The following PLCG1 variants were observed in gnomAD, a reference collection of about 807,000 sequenced individuals.
The protein encoded by PLCG1 is phospholipase C gamma 1.
PLCG1 carries 71 observed loss-of-function variants against 177.8 expected under a neutral mutation model. The observed-to-expected ratio is 0.40, with a 90% CI of 0.33 to 0.49. The LOEUF is 0.49. Among genes scored for constraint, PLCG1 ranks in the 20% least tolerant of loss-of-function variants. The pLI is 0.72. For synonymous variants in PLCG1, 658 were observed against 647.9 expected (o/e 1.02, Z -0.24); for missense variants, 1,281 against 1,709.0 (o/e 0.75, Z 4.42).
At chr20:41,140,212 G>A (rs35869212) in intron 1 of PLCG1, among the ~76,000 whole-genome samples, 3,492 of 152,286 alleles carry the variant, frequency 0.023, 65 homozygotes, top group Middle Eastern at 0.044. Context: ...CTGGCTTTTG[G>A]ATTTTGGGGG....
intron 21 of PLCG1, 44 bp downstream of exon 21, chr20:41,168,914 G>C (rs1428971330): frequency 6.6e-6 from 9 of 1,367,436 alleles, no homozygotes; most frequent in Admixed American, 3.4e-5. Flanking sequence ...GGGCCCCAGT[G>C]GAGCTGGGGC....
rs748259208 is a variant in PLCG1 at position 41,166,231 on chromosome 20, C to T, written c.1837C>T (p.Arg613Trp). Residue 613 changes from arginine to tryptophan, a missense_variant, in exon 17 of 32, where the codon CGG becomes TGG. Coordinates refer to ENST00000685551, the MANE Select transcript of PLCG1 (RefSeq NM_002660.3). The surrounding 1 kb of genome is among the most constrained non-coding windows in gnomAD (Gnocchi z 8.6). ...GKVQHCRIHS[R>W]QDAGTPKFFL... ...AGTCCAGCACTGCCGTATCCACTCCCGGCAAGATGCTGGGACCCCCAAGTT... is the reference window on the plus strand; with the variant it reads ...AGTCCAGCACTGCCGTATCCACTCCTGGCAAGATGCTGGGACCCCCAAGTT... 1.4e-5 allele frequency: 22 copies of T among 1,613,910 alleles called. No individual in the cohort carries two copies. The highest frequency in any genetic ancestry group is 4.4e-5 in the South Asian group (4 of 91,084).
rs746455250 is a variant in PLCG1, at chr20:41,164,239, C to T, written c.1217+38C>T. On this transcript the variant is annotated intron_variant, in intron 12 of 31. Coordinates refer to ENST00000685551, the MANE Select transcript of PLCG1 (RefSeq NM_002660.3). The surrounding 1 kb of genome is among the most constrained non-coding windows in gnomAD (Gnocchi z 6.4). ...CTGGATGACCCAGGGGTTAACTTGG[C>T]TCCAGGTCTCTCGTTCTAGAGGGAC... The T allele has an allele frequency of 1.2e-6, 2 of 1,609,190 alleles. No homozygotes were observed. The highest frequency in any genetic ancestry group is 2.7e-5 in the African/African-American group (2 of 74,798).
chr20:41,169,992 G>A, intron 23 of PLCG1, 120 bp from the exon 24 acceptor site: 1 of 882,018 alleles, frequency 1.1e-6, no homozygotes, highest in Non-Finnish European at 1.8e-6. Context: ...CCCCTCATGG[G>A]GTGTGGGAAG....
chr20:41,175,662 C>T lies in PLCG1; in HGVS notation c.*1153C>T, dbSNP rs929478140. 3.9e-5 allele frequency: 6 copies of T among 152,668 alleles called. No individual in the cohort carries two copies. Among genetic ancestry groups the T allele is most frequent in the African/African-American group, 1.4e-4 (6 of 41,470 alleles). The allele number at this position is 152,668 out of a possible 1,614,324, so 9.5% of individuals were successfully genotyped here. ...ATTTGGGCTCAGGGTTGGCCATTTG[C>T]TAGTTCTGCTGCCCTCTTAAGATCT... On this transcript the variant is annotated 3_prime_UTR_variant, in exon 32 of 32. Transcript: ENST00000685551.
At position 41,166,619 on chromosome 20, in the gene PLCG1, T is replaced by TG. The variant is rs766629076; in HGVS notation, c.2120+28dup. 1 of 1,613,904 alleles carries TG rather than the reference T, an allele frequency of 6.2e-7. No individual in the cohort carries two copies. Among genetic ancestry groups the TG allele is most frequent in the Non-Finnish European group, 8.5e-7 (1 of 1,179,976 alleles). ...CGGTGAGGGGTGTGGCACTGGGTTG[T>TG]GGGGCCTTGCTTGGGTCTGAGCTGC... On this transcript the variant is annotated intron_variant, in intron 18 of 31. Transcript: ENST00000685551. This position sits in a 1 kb window ranked among gnomAD's most constrained non-coding sequence, Gnocchi z 8.6.
At position 41,173,990 on chromosome 20, in the gene PLCG1, G is replaced by A. The variant is rs1403753549; in HGVS notation, c.3624G>A (p.Lys1208=). The change falls in exon 30 of 32, where the codon AAG becomes AAA. Residue 1208 remains lysine, a synonymous_variant. Transcript: ENST00000685551. The surrounding 1 kb of genome is among the most constrained non-coding windows in gnomAD (Gnocchi z 6.2). ...EDLELASLLI[K]IDIFPAKQEN... is the part of the protein sequence containing the mutation. ...TGGAGTTGGCCTCCCTGCTGATCAA[G>A]ATTGACATTTTCCCTGCCAAGGTAT... is the stretch of plus-strand genomic sequence containing the variant. 6.2e-7 allele frequency: 1 copy of A among 1,614,124 alleles called. No homozygotes were observed.
intron 1 of PLCG1, among the ~76,000 whole-genome samples, chr20:41,141,181 A>G (rs928371645): frequency 5.9e-5 from 9 of 152,220 alleles, no homozygotes; most frequent in Admixed American, 5.2e-4. Flanking sequence ...ACACTGGTGT[A>G]GACACTGTGG....
At chr20:41,169,635 C>A in intron 23 of PLCG1, 109 bp downstream of exon 23, 1 of 845,360 alleles carries the variant, frequency 1.2e-6, no homozygotes, top group Non-Finnish European at 2.0e-6. Context: ...CCAAAGTCTG[C>A]CCTCACTCCA....
In PLCG1 at chr20:41,166,183, G is replaced by T. The variant is rs2035685252; in HGVS notation, c.1800-11G>T. The T allele has an allele frequency of 1.2e-6, 2 of 1,610,842 alleles. No homozygotes were observed. The highest frequency in any genetic ancestry group is 2.7e-5 in the African/African-American group (2 of 74,902). ...TTTTCCCCAGCCTCCCTCACTCTGT[G>T]TCTTCCACAGGCGGAACGGGAAAGT... On this transcript the variant is annotated splice_polypyrimidine_tract_variant and intron_variant, in intron 16 of 31. Transcript: ENST00000685551. The surrounding 1 kb of genome is among the most constrained non-coding windows in gnomAD (Gnocchi z 8.6).
At chr20:41,152,241 C>T (rs1210363441) in intron 1 of PLCG1, among the ~76,000 whole-genome samples, 1 of 152,212 alleles carries the variant, frequency 6.6e-6, no homozygotes, top group African/African-American at 2.4e-5. Context: ...GGACCACTCT[C>T]CTGAATCTCC....
In PLCG1 at chr20:41,164,804, C is replaced by CT; in HGVS notation, c.1218-125dup. 2 of 915,758 alleles carry CT rather than the reference C, an allele frequency of 2.2e-6. No individual in the cohort carries two copies. Among genetic ancestry groups the CT allele is most frequent in the Non-Finnish European group, 3.3e-6 (2 of 609,876 alleles). The allele number at this position is 915,758 out of a possible 1,614,324, so 56.7% of individuals were successfully genotyped here. A position where few individuals can be genotyped will look rare whatever the true frequency, so the allele number is the denominator to read the frequency against. The stretch of plus-strand genomic sequence containing the variant: ...CCCCACCAGTGGCTATGGCCTGCCT[C>CT]TTTTCTGGGATAGTTTTTACAGACA... On this transcript the variant is annotated intron_variant, in intron 12 of 31. Transcript: ENST00000685551. The surrounding 1 kb of genome is among the most constrained non-coding windows in gnomAD (Gnocchi z 6.4).
rs1451251887 is a variant in PLCG1 at position 41,167,114 on chromosome 20, A to C, written c.2301+255A>C. On this transcript the variant is annotated intron_variant, in intron 19 of 31. Transcript: ENST00000685551. The surrounding 1 kb of genome is among the most constrained non-coding windows in gnomAD (Gnocchi z 4.4). ...TCATGAGTCAAGATGTGGAGTGAGG[A>C]GGTTCTGGGGCTCACACTGGGAGAG... Among the ~76,000 whole-genome samples the C allele has an allele frequency of 6.6e-6, 1 of 152,142 alleles. No homozygotes were observed. The highest frequency in any genetic ancestry group is 1.5e-5 in the Non-Finnish European group (1 of 68,034).
At position 41,162,453 on chromosome 20, in the gene PLCG1, A is replaced by C; in HGVS notation, c.514A>C (p.Ile172Leu). 6.2e-7 allele frequency: 1 copy of C among 1,612,556 alleles called. No homozygotes were observed. The highest frequency in any genetic ancestry group is 1.1e-5 in the South Asian group (1 of 90,998). The change falls in exon 5 of 32, where the codon ATA becomes CTA. Residue 172 changes from isoleucine (I) to leucine (L), a missense_variant and splice_region_variant. Coordinates refer to ENST00000685551, the MANE Select transcript of PLCG1 (RefSeq NM_002660.3). ...CTGGGGATGTCCCTGTTTTCTCAGTATATCAGCCAAGGACCTGAAGAACAT... is the reference window on the plus strand; with the variant it reads ...CTGGGGATGTCCCTGTTTTCTCAGTCTATCAGCCAAGGACCTGAAGAACAT... ...YSVDRNREDRISAKDLKNMLS... is the reference protein window; with the variant it reads ...YSVDRNREDRLSAKDLKNMLS...
At position 41,166,689 on chromosome 20, in the gene PLCG1, A is replaced by C; in HGVS notation, c.2131A>C (p.Lys711Gln). The C allele has an allele frequency of 6.2e-7, 1 of 1,614,168 alleles. No homozygotes were observed. Among genetic ancestry groups the C allele is most frequent in the Non-Finnish European group, 8.5e-7 (1 of 1,180,014 alleles). ...SYAISFRAEG[K>Q]IKHCRVQQEG... The stretch of plus-strand genomic sequence containing the variant: ...TTTGTCCTTGTGAAGGGCTGAGGGC[A>C]AGATCAAGCATTGCCGTGTCCAGCA... The change falls in exon 19 of 32, where the codon AAG becomes CAG. Residue 711 changes from lysine to glutamine, a missense_variant. Coordinates refer to ENST00000685551, the MANE Select transcript of PLCG1 (RefSeq NM_002660.3). The surrounding 1 kb of genome is among the most constrained non-coding windows in gnomAD (Gnocchi z 8.6).
rs1164478316 is a variant in PLCG1 at position 41,177,153 on chromosome 20, T to G, written c.*2644T>G. ...AAGGTAGATGGGCTCCCTTGCAGGCTCCTTGTTCTCCTGCCATCACCAGTA... is the reference window on the plus strand; with the variant it reads ...AAGGTAGATGGGCTCCCTTGCAGGCGCCTTGTTCTCCTGCCATCACCAGTA... On this transcript the variant is annotated 3_prime_UTR_variant, in exon 32 of 32. Transcript: ENST00000685551. 6.6e-6 allele frequency: 1 copy of G among 152,258 alleles called. No homozygotes were observed. Among genetic ancestry groups the G allele is most frequent in the Non-Finnish European group, 1.5e-5 (1 of 68,058 alleles). 9.4% of individuals were successfully genotyped at this position (152,258 alleles called of 1,614,324 possible).
intron 1 of PLCG1, among the ~76,000 whole-genome samples, chr20:41,140,615 A>G (rs969977142): frequency 6.6e-6 from 1 of 152,114 alleles, no homozygotes; most frequent in Non-Finnish European, 1.5e-5. Context: ...TCTTGTCAGC[A>G]GTTGTGAAAT....
intron 1 of PLCG1, among the ~76,000 whole-genome samples, chr20:41,141,800 C>G (rs553460946): frequency 6.6e-6 from 1 of 152,334 alleles, no homozygotes; most frequent in South Asian, 2.1e-4. Context: ...AGGAAAAGGG[C>G]CTGCTTCACA....
chr20:41,167,702 G>T lies in PLCG1; in HGVS notation c.2302-150G>T, dbSNP rs939135813. 1.6e-5 allele frequency: 10 copies of T among 633,582 alleles called. No individual in the cohort carries two copies. Among genetic ancestry groups the T allele is most frequent in the Middle Eastern group, 3.7e-4 (1 of 2,708 alleles). The allele number at this position is 633,582 out of a possible 1,614,324, so 39.2% of individuals were successfully genotyped here. Reference sequence around the variant, plus strand: ...CAGTGAGGCCGGGCCTGAGGCCTCTGAAGCCGTCTCTACTGAGGTCGAAGG... The same window carrying T: ...CAGTGAGGCCGGGCCTGAGGCCTCTTAAGCCGTCTCTACTGAGGTCGAAGG... On this transcript the variant is annotated intron_variant, in intron 19 of 31. Transcript: ENST00000685551. The surrounding 1 kb of genome is among the most constrained non-coding windows in gnomAD (Gnocchi z 4.4).
Sources: allele counts gnomAD v4.1 joint callset (sites outside exome capture counted in the v4.1 genomes callset), GRCh38; gene constraint gnomAD v4.1.1; non-coding constraint Gnocchi (gnomAD v3.1); transcripts MANE v1.5; gene names NCBI Gene and HGNC (gene_info 2026-07-23, HGNC 2026-07-21).